Variants in LRRK1 observed in about 807,000 individuals in gnomAD.
The protein encoded by LRRK1 is leucine rich repeat kinase 1.
LRRK1 carries 113 observed loss-of-function variants against 209.1 expected under a neutral mutation model. The ratio of observed to expected loss-of-function variants is 0.54; its 90% CI spans 0.46 to 0.63. LRRK1 has a LOEUF of 0.63. LRRK1 is among the 30% of genes least tolerant of loss of function. The probability of loss-of-function intolerance (pLI) is 0.00; values close to 1 mark genes in which losing one functional copy is unlikely to be tolerated. For synonymous variants in LRRK1, 1,144 were observed against 1,099.7 expected (o/e 1.04, Z -0.80); for missense variants, 2,284 against 2,632.2 (o/e 0.87, Z 2.89).
In LRRK1 at chr15:101,074,199, TC is replaced by T. The variant is rs1567301092; in HGVS notation, c.*5355del. The T allele has an allele frequency of 2.0e-5, 3 of 152,058 alleles. No individual in the cohort carries two copies. The highest frequency in any genetic ancestry group is 2.0e-4 in the Admixed American group (3 of 15,268). 9.4% of individuals were successfully genotyped at this position (152,058 alleles called of 1,614,324 possible). ...CTTTTCTATAGACCCATCTGACCTC[TC>T]CCCTCCTCCCCAGGCTGCTCCTTGC... On this transcript the variant is annotated 3_prime_UTR_variant, in exon 34 of 34. Coordinates refer to ENST00000388948, the MANE Select transcript of LRRK1 (RefSeq NM_024652.6).
In LRRK1 at chr15:100,977,856, C is replaced by T. The variant is rs73484901; in HGVS notation, c.261+3889C>T. ...TCGTAATTACCAAGACCAGAAAGATCGCAAACTCACTGAGACAAGACAACC... is the reference window on the plus strand; with the variant it reads ...TCGTAATTACCAAGACCAGAAAGATTGCAAACTCACTGAGACAAGACAACC... On this transcript the variant is annotated intron_variant, in intron 3 of 33. Coordinates refer to ENST00000388948, the MANE Select transcript of LRRK1 (RefSeq NM_024652.6). 7.3e-3 allele frequency among the ~76,000 whole-genome samples: 1,104 copies of T among 152,226 alleles called. 16 individuals are homozygous for T. The highest frequency in any genetic ancestry group is 0.025 in the African/African-American group (1,042 of 41,506).
chr15:101,026,595 G>A (rs993371093), intron 17 of LRRK1, among the ~76,000 whole-genome samples: 4 of 152,226 alleles, frequency 2.6e-5, no homozygotes, highest in Non-Finnish European at 5.9e-5. Flanking sequence ...GCATCACGAC[G>A]TGTCCATACA....
intron 2 of LRRK1, among the ~76,000 whole-genome samples, chr15:100,948,286 C>A (rs898305425): frequency 6.6e-6 from 1 of 152,196 alleles, no homozygotes; most frequent in South Asian, 2.1e-4. Context: ...GGAAGGTGCA[C>A]TTGGACTTCC....
chr15:100,948,832 C>G (rs2042591955), intron 2 of LRRK1, among the ~76,000 whole-genome samples: 1 of 151,990 alleles, frequency 6.6e-6, no homozygotes, highest in African/African-American at 2.4e-5. Context: ...TGAATTAAAA[C>G]AAAAACACAT....
intron 20 of LRRK1, 25 bp from the exon 21 acceptor site, chr15:101,045,956 A>G: frequency 1.2e-6 from 2 of 1,610,654 alleles, no homozygotes; most frequent in Non-Finnish European, 1.7e-6. Context: ...CCCACTGTTC[A>G]CCAGTCCCCC....
intron 30 of LRRK1, among the ~76,000 whole-genome samples, chr15:101,061,880 C>A (rs376892152): frequency 6.6e-6 from 1 of 152,116 alleles, no homozygotes; most frequent in Non-Finnish European, 1.5e-5. Flanking sequence ...CATGGTGGTG[C>A]GTGAGTGTTC....
rs538349306 is a variant in LRRK1 at position 101,060,007 on chromosome 15, G to GT, written c.4680-1162dup. 1.6e-3 allele frequency among the ~76,000 whole-genome samples: 245 copies of GT among 152,324 alleles called. 1 individual carries two copies. The highest frequency in any genetic ancestry group is 5.6e-3 in the African/African-American group (232 of 41,570). On this transcript the variant is annotated intron_variant, in intron 29 of 33. Coordinates refer to ENST00000388948, the MANE Select transcript of LRRK1 (RefSeq NM_024652.6). ...ACACACGCGGCAGGTACCTGAGACA[G>GT]TTCCGCTCAGGGCTCTGAAGACTCA... is the stretch of plus-strand genomic sequence containing the variant.
intron 2 of LRRK1, among the ~76,000 whole-genome samples, chr15:100,957,264 C>A (rs1261196583): frequency 6.6e-6 from 1 of 152,156 alleles, no homozygotes; most frequent in Non-Finnish European, 1.5e-5. Context: ...AAATTATATT[C>A]TCTCGCTGTT....
At chr15:101,009,736 T>C (rs1323073055) in intron 7 of LRRK1, among the ~76,000 whole-genome samples, 2 of 152,090 alleles carry the variant, frequency 1.3e-5, no homozygotes, top group Non-Finnish European at 2.9e-5. Context: ...TACAGGCACA[T>C]GCCACCACAC....
chr15:101,003,537 G>T (rs2032801286), intron 6 of LRRK1, among the ~76,000 whole-genome samples: 1 of 152,218 alleles, frequency 6.6e-6, no homozygotes, highest in African/African-American at 2.4e-5. Flanking sequence ...CACAATCATG[G>T]CAGAAGGTGA....
chr15:100,949,198 C>G (rs1379034655), intron 2 of LRRK1, among the ~76,000 whole-genome samples: 1 of 151,932 alleles, frequency 6.6e-6, no homozygotes, highest in African/African-American at 2.4e-5. Flanking sequence ...AGAGGAACAT[C>G]GCTGGCAACC....
chr15:101,013,300 CAGG>C (rs1283496710), intron 10 of LRRK1, among the ~76,000 whole-genome samples: 3 of 152,172 alleles, frequency 2.0e-5, no homozygotes, highest in Non-Finnish European at 2.9e-5. Flanking sequence ...ACAAAAGCAC[CAGG>C]AGGAGAGAAT....
At position 101,003,889 on chromosome 15, in the gene LRRK1, T is replaced by C. The variant is rs112939196; in HGVS notation, c.763-4948T>C. Among the ~76,000 whole-genome samples the C allele has an allele frequency of 6.9e-3, 1,043 of 152,158 alleles. 17 individuals carry two copies. Among genetic ancestry groups the C allele is most frequent in the African/African-American group, 0.021 (885 of 41,486 alleles). On this transcript the variant is annotated intron_variant, in intron 6 of 33. Coordinates refer to ENST00000388948, the MANE Select transcript of LRRK1 (RefSeq NM_024652.6). ...GTCACCATGGTAACCCACATTCCAG[T>C]AGGGAGGCGGGGGAGGTCTGCAGCC...
rs770937949 is a variant in LRRK1 at position 101,015,326 on chromosome 15, A to C, written c.1533A>C (p.Lys511Asn). 51 of 1,613,434 alleles carry C rather than the reference A, an allele frequency of 3.2e-5. No homozygotes were observed. The South Asian group carries it at 5.3e-4, about 17-fold the overall frequency. The part of the protein sequence containing the change: ...TLDLSRNQLG[K>N]NEDGLKTKRI... ...TTTTGTCTCTTTTTCCTCCCCCCAGAAATGAAGATGGACTGAAAACGAAGC... is the reference window on the plus strand; with the variant it reads ...TTTTGTCTCTTTTTCCTCCCCCCAGCAATGAAGATGGACTGAAAACGAAGC... Residue 511 changes from lysine to asparagine, a missense_variant and splice_region_variant, in exon 12 of 34, where the codon AAA becomes AAC. Physicochemically the swap from Lys to Asn is moderately conservative, Grantham distance 94. Coordinates refer to ENST00000388948, the MANE Select transcript of LRRK1 (RefSeq NM_024652.6).
At chr15:100,956,306 T>A (rs1250642294) in intron 2 of LRRK1, among the ~76,000 whole-genome samples, 3 of 151,990 alleles carry the variant, frequency 2.0e-5, no homozygotes, top group Non-Finnish European at 4.4e-5. Flanking sequence ...CATAATACTT[T>A]GTACTTCTAT....
rs1051668989 is a variant in LRRK1 at position 101,073,945 on chromosome 15, G to C, written c.*5097G>C. On this transcript the variant is annotated 3_prime_UTR_variant, in exon 34 of 34. Coordinates refer to ENST00000388948, the MANE Select transcript of LRRK1 (RefSeq NM_024652.6). Reference sequence around the variant, plus strand: ...TGACCCCAATACAAACTCAACAGTAGTTCCAAATAGCCGGAAAACAGCACT... The same window carrying C: ...TGACCCCAATACAAACTCAACAGTACTTCCAAATAGCCGGAAAACAGCACT... 6.6e-6 allele frequency: 1 copy of C among 152,150 alleles called. No individual in the cohort carries two copies. The highest frequency in any genetic ancestry group is 1.9e-4 in the East Asian group (1 of 5,194). 9.4% of individuals were successfully genotyped at this position (152,150 alleles called of 1,614,324 possible).
Position 100,989,260 on chromosome 15 carries a change from C to T in LRRK1, c.624C>T (p.Asp208=). Reference sequence around the variant, plus strand: ...GTTTTGTTCCTTTAGGGAATGAAGACATTGCAATATTCCTGCTTCGGCATG... The same window carrying T: ...GTTTTGTTCCTTTAGGGAATGAAGATATTGCAATATTCCTGCTTCGGCATG... ...LYAAIKSGNE[D]IAIFLLRHGA... Residue 208 remains aspartate, a synonymous_variant, in exon 6 of 34, where the codon GAC becomes GAT. Coordinates refer to ENST00000388948, the MANE Select transcript of LRRK1 (RefSeq NM_024652.6). 6.2e-7 allele frequency: 1 copy of T among 1,613,994 alleles called. No individual in the cohort carries two copies. The highest frequency in any genetic ancestry group is 2.2e-5 in the East Asian group (1 of 44,882).
chr15:100,976,454 A>G (rs1596225837), intron 3 of LRRK1, among the ~76,000 whole-genome samples: 1 of 152,252 alleles, frequency 6.6e-6, no homozygotes, highest in African/African-American at 2.4e-5. Context: ...ATGCGTATAG[A>G]AAGGCAAATA....
intron 11 of LRRK1, 105 bp from the exon 12 acceptor site, chr15:101,015,221 C>T (rs1464498286): frequency 2.3e-6 from 2 of 870,224 alleles, no homozygotes; most frequent in African/African-American, 3.3e-5. Flanking sequence ...AAGAGTTGCA[C>T]ATGAATTGCT....
Sources: gnomAD v4.1 joint callset for allele counts (sites outside exome capture counted in the v4.1 genomes callset) on GRCh38, gnomAD v4.1.1 for gene constraint, MANE v1.5 for transcripts, NCBI Gene and HGNC (gene_info 2026-07-23, HGNC 2026-07-21) for gene names.